Variants in FKBP7 observed in about 807,000 individuals in gnomAD.
FKBP7 encodes peptidyl-prolyl cis-trans isomerase FKBP7.
Under a neutral mutation model 24.3 loss-of-function variants are expected in FKBP7, and 24 were observed. That is an observed-to-expected ratio of 0.99 (90% CI 0.72 to 1.39). The LOEUF (loss-of-function observed/expected upper bound fraction) is 1.39. Ranked by LOEUF, FKBP7 falls within the 40% of genes most tolerant of loss-of-function variation. The pLI is 0.00. For missense variants in FKBP7, 257 were observed against 269.5 expected (o/e 0.95, Z 0.33); for synonymous variants, 98 against 92.8 (o/e 1.06, Z -0.32).
chr2:178,467,309 T>C (rs943882966), intron 3 of FKBP7, among the ~76,000 whole-genome samples: 2 of 152,212 alleles, frequency 1.3e-5, no homozygotes, highest in Admixed American at 6.5e-5. Flanking sequence ...CCCCCGTCCT[T>C]TCCGTCTTTA....
intron 3 of FKBP7, 132 bp downstream of exon 3, chr2:178,469,520 T>C (rs1487007554): frequency 2.2e-6 from 2 of 922,362 alleles, no homozygotes; most frequent in Non-Finnish European, 3.4e-6. Context: ...GATTATTTTT[T>C]AGTGACCAGC....
Position 178,464,726 on chromosome 2 carries a change from T to C in FKBP7, c.*1044A>G, listed in dbSNP as rs1684606790. The C allele has an allele frequency of 6.6e-6, 1 of 152,220 alleles. No individual in the cohort carries two copies. The highest frequency in any genetic ancestry group is 1.5e-5 in the Non-Finnish European group (1 of 68,048). The allele number at this position is 152,220 out of a possible 1,614,324, so 9.4% of individuals were successfully genotyped here. ...GTTCCGATAGACATGTGCCCTTTCT[T>C]TGGTACCAACGTGATCTTCTACAGC... On this transcript the variant is annotated 3_prime_UTR_variant, in exon 4 of 4. Transcript: ENST00000424785.
At chr2:178,473,174 T>A in intron 2 of FKBP7, 1 of 949,444 alleles carries the variant, frequency 1.1e-6, no homozygotes, top group Non-Finnish European at 1.5e-6. Flanking sequence ...TGTTAGGTCT[T>A]AATAACAACT....
rs761931069 is a variant in FKBP7, at chr2:178,478,401, T to C, written c.99A>G (p.Glu33=). 1.2e-6 allele frequency: 2 copies of C among 1,614,128 alleles called. No individual in the cohort carries two copies. Among genetic ancestry groups the C allele is most frequent in the African/African-American group, 1.3e-5 (1 of 74,948 alleles). ...AQRQKKEEST[E]EVKIEVLHRP... ...GATGCAAAACTTCTATTTTCACTTC[T>C]TCGGTGCTCTCCTCTTTCTTTTGTC... Residue 33 remains glutamate, a synonymous_variant, in exon 1 of 4, where the codon GAA becomes GAG. Coordinates refer to ENST00000424785, the MANE Select transcript of FKBP7 (RefSeq NM_181342.3).
chr2:178,473,143 C>G, intron 2 of FKBP7: 7 of 1,260,220 alleles, frequency 5.6e-6, no homozygotes, highest in Non-Finnish European at 7.4e-6. Flanking sequence ...CAAGTACTAC[C>G]TAAAATAAAG....
chr2:178,469,764 T>G lies in FKBP7; in HGVS notation c.395A>C (p.Asp132Ala). The G allele has an allele frequency of 6.2e-7, 1 of 1,613,694 alleles. No homozygotes were observed. The highest frequency in any genetic ancestry group is 1.1e-5 in the South Asian group (1 of 90,942). Residue 132 changes from aspartate (D) to alanine (A), a missense_variant, in exon 3 of 4, where the codon GAT (aspartate) becomes GCT (alanine). Transcript: ENST00000424785. ...TTCAATCTCAAAAATCAATGTAGCATCCGGTGGAATCTTGCCTTCTGCTAA... is the reference window on the plus strand; with the variant it reads ...TTCAATCTCAAAAATCAATGTAGCAGCCGGTGGAATCTTGCCTTCTGCTAA... The part of the protein sequence containing the change: ...EGYAEGKIPP[D>A]ATLIFEIELY...
At position 178,464,952 on chromosome 2, in the gene FKBP7, A is replaced by T. The variant is rs1274849717; in HGVS notation, c.*818T>A. 2.0e-5 allele frequency: 3 copies of T among 152,202 alleles called. No homozygotes were observed. The highest frequency in any genetic ancestry group is 7.2e-5 in the African/African-American group (3 of 41,432). 9.4% of individuals were successfully genotyped at this position (152,202 alleles called of 1,614,324 possible). ...AGGAAAGAGATAACTAGAGAAAGGG[A>T]ACGAAAACTAAGAAATTTCATGGCA... On this transcript the variant is annotated 3_prime_UTR_variant, in exon 4 of 4. Transcript: ENST00000424785.
intron 2 of FKBP7, among the ~76,000 whole-genome samples, chr2:178,476,384 T>A (rs534215341): frequency 1.3e-5 from 2 of 152,324 alleles, no homozygotes; most frequent in Non-Finnish European, 2.9e-5. Context: ...AAATTTACCA[T>A]CATAACAATT....
rs574435335 is a variant in FKBP7 at position 178,478,521 on chromosome 2, C to T, written c.-22G>A. On this transcript the variant is annotated 5_prime_UTR_variant, in exon 1 of 4. Transcript: ENST00000424785. The stretch of plus-strand genomic sequence containing the variant: ...GCATCGGCTCCAGCAGAACACTGCT[C>T]TCCCTCCCGCGTGTCACTCGCGCCC... 1 of 1,612,004 alleles carries T rather than the reference C, an allele frequency of 6.2e-7. No individual in the cohort carries two copies. The highest frequency in any genetic ancestry group is 1.3e-5 in the African/African-American group (1 of 74,768).
At chr2:178,476,587 G>A (rs1685006033) in intron 2 of FKBP7, among the ~76,000 whole-genome samples, 1 of 151,996 alleles carries the variant, frequency 6.6e-6, no homozygotes, top group Non-Finnish European at 1.5e-5. Context: ...CACATAAATG[G>A]AATTATACAG....
At chr2:178,477,264 G>C in intron 1 of FKBP7, 51 bp from the exon 2 acceptor site, 3 of 1,575,666 alleles carry the variant, frequency 1.9e-6, no homozygotes, top group Non-Finnish European at 2.6e-6. Flanking sequence ...AATCAAACTT[G>C]AAAATACAGC....
chr2:178,466,015 A>T, intron 3 of FKBP7, 84 bp from the exon 4 acceptor site: 1 of 1,153,434 alleles, frequency 8.7e-7, no homozygotes, highest in South Asian at 1.8e-5. Context: ...ATAATAATGA[A>T]ACTCATGTGC....
intron 3 of FKBP7, 40 bp from the exon 4 acceptor site, chr2:178,465,971 C>T (rs1684644910): frequency 1.3e-6 from 2 of 1,506,448 alleles, no homozygotes; most frequent in Non-Finnish European, 1.8e-6. Flanking sequence ...TAAAAGGTAT[C>T]ACAGTGAATT....
intron 1 of FKBP7, 87 bp from the exon 2 acceptor site, chr2:178,477,300 C>T: frequency 7.5e-7 from 1 of 1,334,804 alleles, no homozygotes; most frequent in Non-Finnish European, 1.1e-6. Context: ...GGAGTCCTCT[C>T]TAACCATCAT....
rs1345657205 is a variant in FKBP7 at position 178,465,815 on chromosome 2, G to A, written c.624C>T (p.Phe208=). The change falls in exon 4 of 4, where the codon TTC becomes TTT. Residue 208 remains phenylalanine, a synonymous_variant. Transcript: ENST00000424785. Reference sequence around the variant, plus strand: ...ATACATTGTATTCCTTGGGAGAAATGAAGCCATCACCATCATGGTCATTCT... The same window carrying A: ...ATACATTGTATTCCTTGGGAGAAATAAAGCCATCACCATCATGGTCATTCT... The part of the protein sequence containing the change: ...FKKNDHDGDG[F]ISPKEYNVYQ... The A allele has an allele frequency of 6.2e-7, 1 of 1,610,040 alleles. No homozygotes were observed. The highest frequency in any genetic ancestry group is 8.5e-7 in the Non-Finnish European group (1 of 1,178,326).
At chr2:178,473,083 GGTT>G (rs1293124047) in intron 2 of FKBP7, 1 of 1,305,228 alleles carries the variant, frequency 7.7e-7, no homozygotes, top group South Asian at 1.2e-5. Context: ...AGACATGCAG[GGTT>G]GTTCTGTGAC....
rs1171328670 is a variant in FKBP7 at position 178,464,528 on chromosome 2, C to T, written c.*1242G>A. ...AGGAACTACCAAACACTTATAAAAC[C>T]ATCAGATTGCATGAGAACAGCACGG... On this transcript the variant is annotated 3_prime_UTR_variant, in exon 4 of 4. Transcript: ENST00000424785. 3 of 152,144 alleles carry T rather than the reference C, an allele frequency of 2.0e-5. No homozygotes were observed. The highest frequency in any genetic ancestry group is 4.4e-5 in the Non-Finnish European group (3 of 68,034). 9.4% of individuals were successfully genotyped at this position (152,144 alleles called of 1,614,324 possible). A position where few individuals can be genotyped will look rare whatever the true frequency, so the allele number is the denominator to read the frequency against.
At chr2:178,471,713 T>C (rs1437882310) in intron 2 of FKBP7, among the ~76,000 whole-genome samples, 1 of 152,236 alleles carries the variant, frequency 6.6e-6, no homozygotes, top group Non-Finnish European at 1.5e-5. Context: ...ATTTTTAAAA[T>C]GTTTGTCCTT....
chr2:178,465,941 C>T lies in FKBP7; in HGVS notation c.508-10G>A, dbSNP rs745477566. On this transcript the variant is annotated splice_polypyrimidine_tract_variant and intron_variant, in intron 3 of 3. Coordinates refer to ENST00000424785, the MANE Select transcript of FKBP7 (RefSeq NM_181342.3). ...GCAAGTAGAGGTTTATCTGGAAGGC[C>T]AAAATAACATTCCTTTAATTAAAAG... 1 of 1,573,688 alleles carries T rather than the reference C, an allele frequency of 6.4e-7. No individual in the cohort carries two copies. The highest frequency in any genetic ancestry group is 1.2e-5 in the South Asian group (1 of 83,776).
Sources: gnomAD v4.1 joint callset for allele counts (sites outside exome capture counted in the v4.1 genomes callset) on GRCh38, gnomAD v4.1.1 for gene constraint, MANE v1.5 for transcripts, NCBI Gene and HGNC (gene_info 2026-07-23, HGNC 2026-07-21) for gene names.